The following ADSL variants were observed in gnomAD, a reference collection of about 807,000 sequenced individuals.
ADSL encodes adenylosuccinase.
ADSL carries 44 observed loss-of-function variants against 62.1 expected under a neutral mutation model. That is an observed-to-expected ratio of 0.71 (90% CI 0.56 to 0.91). ADSL has a LOEUF of 0.91. Ranked by LOEUF, ADSL falls within the 40% of genes least tolerant of loss-of-function variation. The pLI, the probability that ADSL is intolerant of heterozygous loss-of-function variation, is 0.00. For missense variants in ADSL, 531 were observed against 627.4 expected (o/e 0.85, Z 1.64); for synonymous variants, 198 against 220.5 (o/e 0.90, Z 0.90).
chr22:40,354,185 C>G (rs2044460935), intron 3 of ADSL, 63 bp from the exon 4 acceptor site: 1 of 1,364,666 alleles, frequency 7.3e-7, no homozygotes, highest in African/African-American at 1.4e-5. Context: ...AAGTTTTGTT[C>G]CTAATTATGT....
In ADSL at chr22:40,368,003, C is replaced by A. The variant is rs1001483015; in HGVS notation, c.*1481C>A. The A allele has an allele frequency of 6.6e-6, 1 of 152,196 alleles. No individual in the cohort carries two copies. The highest frequency in any genetic ancestry group is 2.4e-5 in the African/African-American group (1 of 41,440). 9.4% of individuals were successfully genotyped at this position (152,196 alleles called of 1,614,324 possible). ...TGCTCCGCACTCTTGGCATTACATT[C>A]AATTTTGGATACCCAGTCTGAGGAA... is the stretch of plus-strand genomic sequence containing the variant. On this transcript the variant is annotated 3_prime_UTR_variant, in exon 13 of 13. Transcript: ENST00000623063.
chr22:40,364,535 G>T, intron 11 of ADSL, 170 bp downstream of exon 11: 1 of 723,988 alleles, frequency 1.4e-6, no homozygotes. Context: ...TTGGTGAACT[G>T]AATTTGTTAA....
In ADSL at chr22:40,366,690, A is replaced by G; in HGVS notation, c.*168A>G. The G allele has an allele frequency of 3.2e-6, 2 of 630,990 alleles. No homozygotes were observed. Among genetic ancestry groups the G allele is most frequent in the Admixed American group, 4.7e-5 (2 of 42,498 alleles). 39.1% of individuals were successfully genotyped at this position (630,990 alleles called of 1,614,324 possible). A position where few individuals can be genotyped will look rare whatever the true frequency, so the allele number is the denominator to read the frequency against. The stretch of plus-strand genomic sequence containing the variant: ...CAGTCTCACATTTCTCAACAAGGCA[A>G]AAACAAAGAGCGTTGAAGTTGACTC... On this transcript the variant is annotated 3_prime_UTR_variant, in exon 13 of 13. Coordinates refer to ENST00000623063, the MANE Select transcript of ADSL (RefSeq NM_000026.4).
At chr22:40,365,762 T>G (rs947147889) in intron 12 of ADSL, among the ~76,000 whole-genome samples, 6 of 151,922 alleles carry the variant, frequency 3.9e-5, no homozygotes, top group Non-Finnish European at 8.8e-5. Flanking sequence ...TCTCTGCTAC[T>G]CAGGGCTGAG....
chr22:40,363,597 G>T (rs1263566030), intron 10 of ADSL, among the ~76,000 whole-genome samples: 1 of 152,086 alleles, frequency 6.6e-6, no homozygotes, highest in East Asian at 1.9e-4. Context: ...TTAGCTGGGC[G>T]TGTTGGCGGG....
At chr22:40,353,375 C>A (rs1331200324) in intron 3 of ADSL, 1 of 702,400 alleles carries the variant, frequency 1.4e-6, no homozygotes, top group African/African-American at 1.7e-5. Context: ...TTATTGCAAC[C>A]TCCGCCTCCC....
chr22:40,385,896 G>A (rs1259814602), intron 2 of ADSL, among the ~76,000 whole-genome samples: 1 of 152,084 alleles, frequency 6.6e-6, no homozygotes, highest in African/African-American at 2.4e-5. Context: ...TGGTTGCCCA[G>A]GCTGGAGTGC....
At chr22:40,374,917 T>C (rs2046302410) in intron 2 of ADSL, among the ~76,000 whole-genome samples, 1 of 152,198 alleles carries the variant, frequency 6.6e-6, no homozygotes, top group Non-Finnish European at 1.5e-5. Context: ...CTATCAGTAG[T>C]AGCATATGAC....
At chr22:40,370,506 C>A (rs1328435985), downstream of ADSL, 1 of 152,332 alleles carries the variant, frequency 6.6e-6, no homozygotes, top group Non-Finnish European at 1.5e-5. Flanking sequence ...GGGATGGGGG[C>A]GCAAAGCCCC....
intron 2 of ADSL, among the ~76,000 whole-genome samples, chr22:40,378,477 C>G (rs1462158001): frequency 6.6e-6 from 1 of 151,564 alleles, no homozygotes; most frequent in Non-Finnish European, 1.5e-5. Flanking sequence ...GCCTGTCATC[C>G]TAGCACTTTG....
At chr22:40,357,898 A>G (rs1211685608) in intron 4 of ADSL, among the ~76,000 whole-genome samples, 1 of 151,940 alleles carries the variant, frequency 6.6e-6, no homozygotes, top group East Asian at 1.9e-4. Flanking sequence ...CAGCCTCCCA[A>G]GTAGCTGGGA....
chr22:40,373,644 T>C (rs1037098828), downstream of ADSL: 1 of 152,368 alleles, frequency 6.6e-6, no homozygotes, highest in Non-Finnish European at 1.5e-5. Flanking sequence ...TGAGACATAG[T>C]CTCACTCTGT....
chr22:40,379,640 T>A (rs989425725), intron 2 of ADSL, among the ~76,000 whole-genome samples: 1 of 152,236 alleles, frequency 6.6e-6, no homozygotes, highest in Non-Finnish European at 1.5e-5. Flanking sequence ...ATCTTCCTCC[T>A]TCATGAAGGC....
At chr22:40,372,509 T>C (rs755250419), downstream of ADSL, among the ~76,000 whole-genome samples, 13 of 152,078 alleles carry the variant, frequency 8.5e-5, no homozygotes, top group Non-Finnish European at 1.6e-4. Context: ...GGGTAATAGG[T>C]TAACATAACC....
At chr22:40,355,529 A>T (rs558481233) in intron 4 of ADSL, among the ~76,000 whole-genome samples, 2 of 152,202 alleles carry the variant, frequency 1.3e-5, no homozygotes, top group African/African-American at 4.8e-5. Flanking sequence ...GCTGTTTTCA[A>T]TATCCATGTT....
intron 2 of ADSL, among the ~76,000 whole-genome samples, chr22:40,386,870 A>C (rs1419903620): frequency 4.6e-5 from 7 of 151,988 alleles, no homozygotes; most frequent in Non-Finnish European, 1.0e-4. Context: ...TCTGTTAGAG[A>C]AGTTGGTTTG....
At chr22:40,357,538 C>T (rs1434581442) in intron 4 of ADSL, among the ~76,000 whole-genome samples, 2 of 152,112 alleles carry the variant, frequency 1.3e-5, no homozygotes, top group African/African-American at 4.8e-5. Context: ...CAGGCATGAG[C>T]CATGGCACCC....
chr22:40,361,469 C>A lies in ADSL; in HGVS notation c.863-19C>A, dbSNP rs763694289. 1.2e-6 allele frequency: 2 copies of A among 1,614,182 alleles called. No homozygotes were observed. The highest frequency in any genetic ancestry group is 1.1e-5 in the South Asian group (1 of 91,088). On this transcript the variant is annotated intron_variant, in intron 8 of 12. Transcript: ENST00000623063. ...AAGTCTCTCTGCCTTTGCATCTTGT[C>A]CTTTTTTTACATGGGCAGGCTCAAG...
At chr22:40,364,213 CTG>C (rs2044907829) in intron 10 of ADSL, 61 bp from the exon 11 acceptor site, 1 of 1,341,692 alleles carries the variant, frequency 7.5e-7, no homozygotes, top group Admixed American at 1.8e-5. Flanking sequence ...TGACATCCTG[CTG>C]TGTTTATGAC....
Sources: gnomAD v4.1 joint callset for allele counts (sites outside exome capture counted in the v4.1 genomes callset) on GRCh38, gnomAD v4.1.1 for gene constraint, MANE v1.5 for transcripts, NCBI Gene and HGNC (gene_info 2026-07-23, HGNC 2026-07-21) for gene names.